Variants in NAV2 observed in about 807,000 individuals in gnomAD.
The protein encoded by NAV2 is neuron navigator 2.
NAV2 carries 54 observed loss-of-function variants against 223.2 expected under a neutral mutation model. The observed-to-expected ratio is 0.24, with a 90% confidence interval of 0.19 to 0.30. The LOEUF (loss-of-function observed/expected upper bound fraction) is 0.30. Among genes scored for constraint, NAV2 ranks in the 10% least tolerant of loss-of-function variants. The pLI, the probability that NAV2 is intolerant of heterozygous loss-of-function variation, is 1.00. For synonymous variants in NAV2, 1,279 were observed against 1,239.3 expected (o/e 1.03, Z -0.67); for missense variants, 2,806 against 3,147.5 (o/e 0.89, Z 2.60).
chr11:19,596,467 GTC>G (rs920200972), intron 1 of NAV2, among the ~76,000 whole-genome samples: 2 of 152,280 alleles, frequency 1.3e-5, no homozygotes, highest in African/African-American at 4.8e-5. Flanking sequence ...CTTCCCCTGA[GTC>G]TCTCTGTGTG....
At position 19,946,382 on chromosome 11, in the gene NAV2, T is replaced by C; in HGVS notation, c.2147-19T>C. On this transcript the variant is annotated intron_variant, in intron 8 of 37. Transcript: ENST00000349880. ...GGTTGGTCAGAGAATTAAACTAGTCTTAACCCTCATCTTTCTAGGGGAAGA... is the reference window on the plus strand; with the variant it reads ...GGTTGGTCAGAGAATTAAACTAGTCCTAACCCTCATCTTTCTAGGGGAAGA... 4 of 1,607,694 alleles carry C rather than the reference T, an allele frequency of 2.5e-6. No homozygotes were observed. Among genetic ancestry groups the C allele is most frequent in the Non-Finnish European group, 3.4e-6 (4 of 1,177,202 alleles).
chr11:19,620,525 G>A (rs943253779), intron 1 of NAV2, among the ~76,000 whole-genome samples: 5 of 152,130 alleles, frequency 3.3e-5, no homozygotes, highest in Admixed American at 2.0e-4. Context: ...TGAAGCAATT[G>A]TGAATGGGCA....
chr11:19,707,295 C>G (rs1049861389), intron 1 of NAV2, among the ~76,000 whole-genome samples: 1 of 152,152 alleles, frequency 6.6e-6, no homozygotes, highest in African/African-American at 2.4e-5. Context: ...AATTTTTTGA[C>G]TTTTTGACTC....
Position 19,550,018 on chromosome 11 carries a change from G to A in NAV2, c.75+198991G>A, listed in dbSNP as rs189518335. ...GCTGGCCTAGAGTCCTGCAGTTTGC[G>A]CCTCAGCCAGGGAGGGAGGACATAT... is the stretch of plus-strand genomic sequence containing the variant. On this transcript the variant is annotated intron_variant, in intron 1 of 37. Coordinates refer to the NAV2 transcript ENST00000360655. Among the ~76,000 whole-genome samples, 16 of 152,308 alleles carry A rather than the reference G, an allele frequency of 1.1e-4. 1 individual carries two copies. Among genetic ancestry groups the A allele is most frequent in the East Asian group, 7.7e-4 (4 of 5,164 alleles).
chr11:19,985,558 T>G (rs114334089), intron 11 of NAV2, among the ~76,000 whole-genome samples: 79,298 of 149,252 alleles, frequency 0.53, 23,486 homozygotes, highest in Middle Eastern at 0.68. Flanking sequence ...AAGTTTTTTT[T>G]GTTTTTTTGT....
At chr11:19,997,472 A>G (rs113628345) in intron 11 of NAV2, among the ~76,000 whole-genome samples, 7 of 152,212 alleles carry the variant, frequency 4.6e-5, no homozygotes, top group African/African-American at 1.7e-4. Flanking sequence ...CAGTGGTCCT[A>G]GTCTGAATTT....
intron 4 of NAV2, among the ~76,000 whole-genome samples, chr11:19,871,766 C>G (rs2062519935): frequency 6.6e-6 from 1 of 152,058 alleles, no homozygotes; most frequent in African/African-American, 2.4e-5. Context: ...TTCAGGTGGC[C>G]AAGAGGCAGA....
intron 1 of NAV2, among the ~76,000 whole-genome samples, chr11:19,527,852 C>T (rs1178313287): frequency 1.3e-5 from 2 of 152,010 alleles, no homozygotes; most frequent in Non-Finnish European, 1.5e-5. Flanking sequence ...AGCACTCCTA[C>T]AGAGGGGAAT....
At chr11:20,085,632 T>C (rs2153671885) in intron 26 of NAV2, among the ~76,000 whole-genome samples, 1 of 152,324 alleles carries the variant, frequency 6.6e-6, no homozygotes, top group South Asian at 2.1e-4. Flanking sequence ...CAGCTTTACA[T>C]ATGACTGTTT....
At chr11:19,512,111 C>T (rs991237427) in intron 1 of NAV2, among the ~76,000 whole-genome samples, 1 of 152,180 alleles carries the variant, frequency 6.6e-6, no homozygotes, top group African/African-American at 2.4e-5. Context: ...CTCTCTGTTT[C>T]CCTTCCCATC....
rs2044576816 is a variant in NAV2 at position 19,548,473 on chromosome 11, G to C, written c.75+197446G>C. Among the ~76,000 whole-genome samples, 6 of 152,268 alleles carry C rather than the reference G, an allele frequency of 3.9e-5. No individual in the cohort carries two copies. In the South Asian group the frequency reaches 1.2e-3, roughly 32 times the overall value. The stretch of plus-strand genomic sequence containing the variant: ...GTCATTTGCCCAAGGTCTCACTGAT[G>C]GTTACTGGAAAGGGGGGAGTTTATG... On this transcript the variant is annotated intron_variant, in intron 1 of 37. Transcript: ENST00000360655.
At chr11:19,897,886 T>TTTTTATATATA (rs144642336) in intron 6 of NAV2, among the ~76,000 whole-genome samples, 1 of 120,660 alleles carries the variant, frequency 8.3e-6, no homozygotes, top group African/African-American at 3.4e-5. Flanking sequence ...GACCTGTGAT[T>TTTTTATATATA]TATATATATA....
intron 10 of NAV2, among the ~76,000 whole-genome samples, chr11:19,950,285 G>T (rs1227501933): frequency 1.3e-5 from 2 of 152,172 alleles, no homozygotes; most frequent in African/African-American, 4.8e-5. Context: ...TCTCCTATAT[G>T]CCAAACACAG....
intron 7 of NAV2, 44 bp from the exon 8 acceptor site, chr11:19,939,617 T>A (rs771952593): frequency 9.3e-6 from 14 of 1,511,944 alleles, no homozygotes; most frequent in Non-Finnish European, 1.3e-5. Flanking sequence ...GATGTGGTAG[T>A]TGCCTCTCAT....
intron 4 of NAV2, among the ~76,000 whole-genome samples, chr11:19,873,697 A>G (rs2153065766): frequency 6.6e-6 from 1 of 152,148 alleles, no homozygotes; most frequent in South Asian, 2.1e-4. Flanking sequence ...GAACATTTCC[A>G]TTTCCTCCTA....
At chr11:19,960,990 T>A (rs1417623375) in intron 10 of NAV2, among the ~76,000 whole-genome samples, 1 of 152,190 alleles carries the variant, frequency 6.6e-6, no homozygotes, top group Non-Finnish European at 1.5e-5. Context: ...CAAATGGACC[T>A]GGAAGACAGA....
intron 1 of NAV2, among the ~76,000 whole-genome samples, chr11:19,409,464 T>C (rs1590148957): frequency 6.6e-6 from 1 of 152,298 alleles, no homozygotes; most frequent in East Asian, 1.9e-4. Flanking sequence ...CTCTTCTCCT[T>C]CCATCTCTTG....
intron 1 of NAV2, among the ~76,000 whole-genome samples, chr11:19,388,196 GT>G (rs1341843066): frequency 6.6e-6 from 1 of 152,212 alleles, no homozygotes; most frequent in African/African-American, 2.4e-5. Flanking sequence ...ATCTTTGTAT[GT>G]TTTAGAATAC....
chr11:19,553,540 C>T (rs182972577), intron 1 of NAV2, among the ~76,000 whole-genome samples: 257 of 152,332 alleles, frequency 1.7e-3, no homozygotes, highest in African/African-American at 6.1e-3. Context: ...CCCTCCCCAT[C>T]ACCCCAGGAT....
Sources: allele counts gnomAD v4.1 joint callset (sites outside exome capture counted in the v4.1 genomes callset), GRCh38; gene constraint gnomAD v4.1.1; transcripts MANE v1.5; gene names NCBI Gene and HGNC (gene_info 2026-07-23, HGNC 2026-07-21).